The following PTPRM variants were observed in gnomAD, a reference collection of about 807,000 sequenced individuals.
The protein encoded by PTPRM is receptor-type tyrosine-protein phosphatase mu.
PTPRM carries 47 observed loss-of-function variants against 186.7 expected under a neutral mutation model. The observed-to-expected ratio is 0.25, with a 90% CI of 0.20 to 0.32. The LOEUF is 0.32. PTPRM is among the 10% of genes least tolerant of loss of function. The pLI is 1.00. For synonymous variants in PTPRM, 668 were observed against 674.9 expected (o/e 0.99, Z 0.16); for missense variants, 1,494 against 1,865.0 (o/e 0.80, Z 3.66).
At chr18:8,206,820 CAG>C (rs1362341298) in intron 14 of PTPRM, among the ~76,000 whole-genome samples, 23 of 152,032 alleles carry the variant, frequency 1.5e-4, no homozygotes, top group Non-Finnish European at 2.8e-4. Context: ...TGTGTGGTGA[CAG>C]AGAGAGACTC....
intron 2 of PTPRM, among the ~76,000 whole-genome samples, chr18:7,793,637 G>A (rs1283169423): frequency 6.6e-6 from 1 of 152,082 alleles, no homozygotes; most frequent in East Asian, 1.9e-4. Flanking sequence ...TTCAACAGTG[G>A]CTCAAGATGG....
At chr18:8,095,935 C>T (rs2090995946) in intron 11 of PTPRM, among the ~76,000 whole-genome samples, 1 of 152,106 alleles carries the variant, frequency 6.6e-6, no homozygotes, top group South Asian at 2.1e-4. Flanking sequence ...TTTTAAACCC[C>T]AATTTTCATA....
At chr18:8,310,339 C>T (rs944620144) in intron 20 of PTPRM, among the ~76,000 whole-genome samples, 5 of 151,660 alleles carry the variant, frequency 3.3e-5, no homozygotes, top group African/African-American at 7.3e-5. Context: ...AAATGAAGCA[C>T]GCCCCTGCCT....
At chr18:8,034,305 C>T (rs2086187427) in intron 7 of PTPRM, among the ~76,000 whole-genome samples, 1 of 152,012 alleles carries the variant, frequency 6.6e-6, no homozygotes, top group Non-Finnish European at 1.5e-5. Context: ...AAGTCTCAAC[C>T]CACTATAGTG....
Position 7,987,221 on chromosome 18 carries a change from T to C in PTPRM, c.1132+31807T>C, listed in dbSNP as rs115316056. On this transcript the variant is annotated intron_variant, in intron 7 of 32. Coordinates refer to ENST00000580170, the MANE Select transcript of PTPRM (RefSeq NM_001105244.2). ...CACAGTAGATCTCTTGAGAAACAAG[T>C]GTAAAAGTTTATGTAAACCCTTGGT... is the stretch of plus-strand genomic sequence containing the variant. Among the ~76,000 whole-genome samples, 1,339 of 152,292 alleles carry C rather than the reference T, an allele frequency of 8.8e-3. 17 individuals are homozygous for C. The highest frequency in any genetic ancestry group is 0.03 in the African/African-American group (1,255 of 41,564).
At chr18:8,273,311 TG>T (rs575445582) in intron 19 of PTPRM, among the ~76,000 whole-genome samples, 106 of 152,332 alleles carry the variant, frequency 7.0e-4, no homozygotes, top group African/African-American at 2.4e-3. Flanking sequence ...TCATGTAAAA[TG>T]GAGTGAATAT....
intron 23 of PTPRM, among the ~76,000 whole-genome samples, chr18:8,367,978 G>T (rs1250016271): frequency 1.3e-5 from 2 of 152,090 alleles, no homozygotes; most frequent in African/African-American, 2.4e-5. Flanking sequence ...GATAAACCTG[G>T]TATAACATAC....
chr18:8,370,831 G>A (rs891142914), intron 23 of PTPRM, 59 bp from the exon 24 acceptor site: 3 of 994,332 alleles, frequency 3.0e-6, no homozygotes, highest in Admixed American at 2.2e-5. Flanking sequence ...GACCCATCAT[G>A]GGAGGAACTC....
intron 1 of PTPRM, among the ~76,000 whole-genome samples, chr18:7,701,481 T>A (rs972300159): frequency 6.6e-6 from 1 of 151,584 alleles, no homozygotes; most frequent in African/African-American, 2.4e-5. Context: ...GTGCGTGTAG[T>A]CCCAGCTACT....
intron 1 of PTPRM, among the ~76,000 whole-genome samples, chr18:7,705,905 C>T (rs1380233520): frequency 1.3e-5 from 2 of 149,956 alleles, no homozygotes; most frequent in Non-Finnish European, 3.0e-5. Flanking sequence ...GTTTTTCTTA[C>T]AGTTTCTTTA....
At chr18:7,929,720 A>G (rs557881223) in intron 5 of PTPRM, among the ~76,000 whole-genome samples, 10 of 152,308 alleles carry the variant, frequency 6.6e-5, no homozygotes, top group Non-Finnish European at 1.3e-4. Context: ...AGTAGTGATG[A>G]AGGTTTTCAG....
chr18:7,662,238 TA>T (rs1416132112), intron 1 of PTPRM, among the ~76,000 whole-genome samples: 1 of 152,188 alleles, frequency 6.6e-6, no homozygotes, highest in Non-Finnish European at 1.5e-5. Flanking sequence ...ATCCAGACCA[TA>T]TATATGATCT....
At chr18:8,392,636 A>G (rs1010789214) in intron 31 of PTPRM, among the ~76,000 whole-genome samples, 1 of 151,926 alleles carries the variant, frequency 6.6e-6, no homozygotes, top group African/African-American at 2.4e-5. Flanking sequence ...CAAAAAAAAA[A>G]AAGGTCCCTT....
At chr18:8,100,565 T>G (rs2091249584) in intron 11 of PTPRM, among the ~76,000 whole-genome samples, 1 of 152,214 alleles carries the variant, frequency 6.6e-6, no homozygotes, top group Non-Finnish European at 1.5e-5. Context: ...ATCTCTCACC[T>G]GGCCCCACCT....
chr18:8,076,895 C>A (rs2089851840), intron 9 of PTPRM, among the ~76,000 whole-genome samples: 1 of 152,106 alleles, frequency 6.6e-6, no homozygotes, highest in South Asian at 2.1e-4. Context: ...ACACAGAATT[C>A]TATTCTTGCT....
At chr18:8,098,367 A>T (rs577181214) in intron 11 of PTPRM, among the ~76,000 whole-genome samples, 2 of 152,330 alleles carry the variant, frequency 1.3e-5, no homozygotes, top group East Asian at 3.9e-4. Flanking sequence ...AACCTAATTA[A>T]GAGTGCAATA....
chr18:7,854,136 C>A (rs2046988198), intron 2 of PTPRM, among the ~76,000 whole-genome samples: 3 of 152,114 alleles, frequency 2.0e-5, no homozygotes, highest in African/African-American at 4.8e-5. Context: ...AAAATAATTC[C>A]TTCAGCTAAA....
intron 7 of PTPRM, among the ~76,000 whole-genome samples, chr18:8,003,158 G>A (rs1159456250): frequency 6.6e-6 from 1 of 152,118 alleles, no homozygotes; most frequent in Non-Finnish European, 1.5e-5. Flanking sequence ...TCAAGGGCGG[G>A]GCCAGGTGGA....
chr18:7,610,807 T>C (rs985407233), intron 1 of PTPRM, among the ~76,000 whole-genome samples: 4 of 152,344 alleles, frequency 2.6e-5, no homozygotes, highest in South Asian at 2.1e-4. Flanking sequence ...ATGTATACTT[T>C]TAGATTGTTA....
Sources: gnomAD v4.1 joint callset for allele counts (sites outside exome capture counted in the v4.1 genomes callset) on GRCh38, gnomAD v4.1.1 for gene constraint, MANE v1.5 for transcripts, NCBI Gene and HGNC (gene_info 2026-07-23, HGNC 2026-07-21) for gene names.